The following IL18R1 variants were observed in gnomAD, a reference collection of about 807,000 sequenced individuals.
IL18R1 encodes interleukin-18 receptor 1.
Under a neutral mutation model 48.5 loss-of-function variants are expected in IL18R1, and 40 were observed. That is an observed-to-expected ratio of 0.82 (90% CI 0.64 to 1.07). The LOEUF (loss-of-function observed/expected upper bound fraction) is 1.07, where lower values mean the gene tolerates loss of function less well. IL18R1 is among the 50% of genes least tolerant of loss of function. IL18R1 has a pLI of 0.00. For missense variants in IL18R1, 596 were observed against 633.7 expected (o/e 0.94, Z 0.64); for synonymous variants, 232 against 225.9 (o/e 1.03, Z -0.24).
intron 2 of IL18R1, 144 bp from the exon 3 acceptor site, chr2:102,367,681 A>G (rs998364741): frequency 1.5e-6 from 1 of 671,854 alleles, no homozygotes; most frequent in African/African-American, 1.8e-5. Context: ...AAAAATAAAG[A>G]ACCCACAGGA....
rs1013675012 is a variant in IL18R1, at chr2:102,355,986, G to C, written c.-443G>C. 2 of 152,386 alleles carry C rather than the reference G, an allele frequency of 1.3e-5. No homozygotes were observed. The highest frequency in any genetic ancestry group is 1.9e-4 in the East Asian group (1 of 5,158). 9.4% of individuals were successfully genotyped at this position (152,386 alleles called of 1,614,324 possible). ...GGAGCACGGCTGCGAGGAGCACCCGGACCGGAGGGTCCCCAGACCGGGACC... is the reference window on the plus strand; with the variant it reads ...GGAGCACGGCTGCGAGGAGCACCCGCACCGGAGGGTCCCCAGACCGGGACC... On this transcript the variant is annotated 5_prime_UTR_variant, in exon 1 of 11. Coordinates refer to ENST00000233957, the MANE Select transcript of IL18R1 (RefSeq NM_003855.5).
chr2:102,368,209 CT>C, intron 3 of IL18R1, 141 bp downstream of exon 3: 1 of 955,662 alleles, frequency 1.0e-6, no homozygotes, highest in Non-Finnish European at 1.6e-6. Flanking sequence ...GAAATACATT[CT>C]TTGTTATGGA....
Position 102,396,802 on chromosome 2 carries a change from G to T in IL18R1, c.1542G>T (p.Lys514Asn), listed in dbSNP as rs138611669. 3.0e-5 allele frequency: 48 copies of T among 1,613,864 alleles called. No homozygotes were observed. Among genetic ancestry groups the T allele is most frequent in the Non-Finnish European group, 4.0e-5 (47 of 1,179,968 alleles). Residue 514 changes from lysine (K) to asparagine (N), a missense_variant, in exon 11 of 11, where the codon AAG becomes AAT. Transcript: ENST00000233957. The stretch of plus-strand genomic sequence containing the variant: ...TTTCTTATAACTCAAGGTTCTGGAA[G>T]AACCTTCTTTACTTAATGCCTGCAA... The part of the protein sequence containing the change: ...KSLSYNSRFW[K>N]NLLYLMPAKT...
intron 8 of IL18R1, among the ~76,000 whole-genome samples, chr2:102,388,864 A>C (rs753748865): frequency 6.6e-6 from 1 of 152,168 alleles, no homozygotes; most frequent in African/African-American, 2.4e-5. Flanking sequence ...TGGAAAGATA[A>C]TTTTTAAAAA....
chr2:102,362,712 A>C lies in IL18R1; in HGVS notation c.52A>C (p.Thr18Pro), dbSNP rs777296794. 4.4e-6 allele frequency: 7 copies of C among 1,579,686 alleles called. No homozygotes were observed. The highest frequency in any genetic ancestry group is 6.1e-6 in the Non-Finnish European group (7 of 1,154,162). The part of the protein sequence containing the change: ...LTLWVLISVS[T>P]AESCTSRPHI... ...CCTTTGGGTGCTTATATCTGTAAGCACTGCAGGTAAGTGATTATACATACT... is the reference window on the plus strand; with the variant it reads ...CCTTTGGGTGCTTATATCTGTAAGCCCTGCAGGTAAGTGATTATACATACT... Residue 18 changes from threonine (T) to proline (P), a missense_variant, in exon 2 of 11, where the codon ACT becomes CCT. Physicochemically the swap from Thr to Pro is conservative, Grantham distance 38 (BLOSUM62 -1). This residue lies in a region of IL18R1 where 360 missense variants were observed against 339.4 expected (regional missense o/e 1.06). Coordinates refer to ENST00000233957, the MANE Select transcript of IL18R1 (RefSeq NM_003855.5).
chr2:102,395,847 C>A (rs1187391746), intron 10 of IL18R1, among the ~76,000 whole-genome samples: 1 of 152,216 alleles, frequency 6.6e-6, no homozygotes, highest in East Asian at 1.9e-4. Flanking sequence ...ATCACACCTG[C>A]AACCCTTATT....
At chr2:102,380,663 C>T (rs1236271625) in intron 5 of IL18R1, among the ~76,000 whole-genome samples, 1 of 152,136 alleles carries the variant, frequency 6.6e-6, no homozygotes, top group Non-Finnish European at 1.5e-5. Context: ...CAACTGCTCA[C>T]TCTGGCACTG....
intron 9 of IL18R1, among the ~76,000 whole-genome samples, chr2:102,393,128 TA>T (rs1389998496): frequency 6.6e-6 from 1 of 152,126 alleles, no homozygotes. Context: ...TTATGCCCTT[TA>T]AAAAAGTGTG....
intron 6 of IL18R1, among the ~76,000 whole-genome samples, chr2:102,383,138 A>G (rs1268118594): frequency 6.6e-6 from 1 of 152,232 alleles, no homozygotes; most frequent in Non-Finnish European, 1.5e-5. Context: ...TAGATTCATT[A>G]TAGTCCAAGA....
At chr2:102,358,494 T>C (rs930491296) in intron 1 of IL18R1, among the ~76,000 whole-genome samples, 29 of 152,246 alleles carry the variant, frequency 1.9e-4, no homozygotes, top group Non-Finnish European at 5.9e-5. Flanking sequence ...TATGTGTGTG[T>C]ACACACACGT....
intron 6 of IL18R1, among the ~76,000 whole-genome samples, chr2:102,382,857 G>A (rs1177560761): frequency 2.0e-5 from 3 of 151,998 alleles, no homozygotes; most frequent in Non-Finnish European, 2.9e-5. Flanking sequence ...CTTCTACTCA[G>A]TGGGGCTTAA....
rs144607635 is a variant in IL18R1 at position 102,378,030 on chromosome 2, T to C, written c.625+1967T>C. Among the ~76,000 whole-genome samples the C allele has an allele frequency of 5.5e-4, 84 of 152,358 alleles. No homozygotes were observed. In the East Asian group the frequency reaches 0.011, roughly 21 times the overall value. On this transcript the variant is annotated intron_variant, in intron 5 of 10. Transcript: ENST00000233957. Reference sequence around the variant, plus strand: ...TACCCTAAACTCTCCAACTTTACTTTCCTACATCTATTTTTAATCTCATAT... The same window carrying C: ...TACCCTAAACTCTCCAACTTTACTTCCCTACATCTATTTTTAATCTCATAT...
intron 6 of IL18R1, among the ~76,000 whole-genome samples, chr2:102,382,513 A>G (rs908008162): frequency 9.9e-5 from 15 of 152,192 alleles, no homozygotes; most frequent in African/African-American, 3.4e-4. Flanking sequence ...CACATATGCT[A>G]AATATGCTAA....
chr2:102,383,766 C>T (rs1295650169), intron 6 of IL18R1, among the ~76,000 whole-genome samples: 1 of 152,034 alleles, frequency 6.6e-6, no homozygotes, highest in African/African-American at 2.4e-5. Context: ...ATTACTGTTA[C>T]AGTTGCTATA....
chr2:102,371,043 C>CG (rs767902154), intron 3 of IL18R1, among the ~76,000 whole-genome samples: 1 of 151,394 alleles, frequency 6.6e-6, no homozygotes, highest in African/African-American at 2.4e-5. Context: ...TCCAGATCAC[C>CG]TTTTTTTGTT....
At position 102,381,686 on chromosome 2, in the gene IL18R1, T is replaced by A; in HGVS notation, c.688+4T>A. 6.3e-7 allele frequency: 1 copy of A among 1,590,982 alleles called. No individual in the cohort carries two copies. ...AACCATGTTGCAGTGGAATTAGGTA[T>A]ATTTCAATATACATATATTCTGCAT... is the stretch of plus-strand genomic sequence containing the variant. On this transcript the variant is annotated splice_donor_region_variant and intron_variant, in intron 6 of 10. Coordinates refer to ENST00000233957, the MANE Select transcript of IL18R1 (RefSeq NM_003855.5).
intron 10 of IL18R1, among the ~76,000 whole-genome samples, chr2:102,395,720 AT>A (rs2105136791): frequency 6.6e-6 from 1 of 152,352 alleles, no homozygotes; most frequent in Admixed American, 6.5e-5. Flanking sequence ...TTTATTCTTA[AT>A]TCATAAATAA....
chr2:102,383,262 T>C (rs1680020238), intron 6 of IL18R1, among the ~76,000 whole-genome samples: 1 of 152,210 alleles, frequency 6.6e-6, no homozygotes, highest in South Asian at 2.1e-4. Context: ...GTATATTCTA[T>C]AGGTTTTTGT....
rs546184255 is a variant in IL18R1, at chr2:102,381,186, A to G, written c.626-434A>G. On this transcript the variant is annotated intron_variant, in intron 5 of 10. Transcript: ENST00000233957. ...ACTGCTCTCAGCATCCTGCAAGGGA[A>G]CGGTGGGCACATAGAGTGAGGGATT... 2.0e-5 allele frequency among the ~76,000 whole-genome samples: 3 copies of G among 152,318 alleles called. No individual in the cohort carries two copies. The East Asian group carries it at 5.8e-4, about 29-fold the overall frequency.
Sources: gnomAD v4.1 joint callset for allele counts (sites outside exome capture counted in the v4.1 genomes callset) on GRCh38, gnomAD v4.1.1 for gene constraint, gnomAD v4.1.1 regional missense constraint, MANE v1.5 for transcripts, NCBI Gene and HGNC (gene_info 2026-07-23, HGNC 2026-07-21) for gene names.